PRKN: variants seen among roughly 807,000 people sequenced by gnomAD.
PRKN encodes the protein parkin RBR E3 ubiquitin protein ligase.
PRKN carries 56 observed loss-of-function variants against 59.5 expected under a neutral mutation model. The ratio of observed to expected loss-of-function variants is 0.94; its 90% CI spans 0.76 to 1.18. PRKN has a LOEUF of 1.18. PRKN is among the 50% of genes most tolerant of loss of function. The probability of loss-of-function intolerance (pLI) is 0.00; values close to 1 mark genes in which losing one functional copy is unlikely to be tolerated. For missense variants in PRKN, 657 were observed against 596.4 expected (o/e 1.10, Z -1.06); for synonymous variants, 250 against 222.1 (o/e 1.13, Z -1.12).
At chr6:162,041,780 C>T (rs1784077587) in intron 5 of PRKN, among the ~76,000 whole-genome samples, 1 of 152,156 alleles carries the variant, frequency 6.6e-6, no homozygotes, top group African/African-American at 2.4e-5. Flanking sequence ...TAAATTGTAA[C>T]AATTGTGACT....
intron 7 of PRKN, among the ~76,000 whole-genome samples, chr6:161,754,894 C>T (rs753899594): frequency 1.3e-5 from 2 of 152,132 alleles, no homozygotes; most frequent in Non-Finnish European, 2.9e-5. Context: ...TAGGAAAGCA[C>T]AAACTTTTTC....
chr6:162,681,972 C>T (rs996838338), intron 1 of PRKN, among the ~76,000 whole-genome samples: 1 of 152,098 alleles, frequency 6.6e-6, no homozygotes, highest in Non-Finnish European at 1.5e-5. Context: ...AGAACCTGGA[C>T]ACTCGCCACT....
At chr6:161,691,004 TCCAA>T (rs1292138235) in intron 7 of PRKN, among the ~76,000 whole-genome samples, 2 of 147,994 alleles carry the variant, frequency 1.4e-5, no homozygotes, top group African/African-American at 5.0e-5. Flanking sequence ...CATCCATCCA[TCCAA>T]CCATCCGTCC....
At chr6:162,505,284 A>G (rs747987462) in intron 1 of PRKN, among the ~76,000 whole-genome samples, 11 of 152,164 alleles carry the variant, frequency 7.2e-5, no homozygotes, top group Admixed American at 2.0e-4. Flanking sequence ...ATTTGGCAAC[A>G]TACAAAATGT....
chr6:162,601,873 A>G (rs933519972), intron 1 of PRKN, among the ~76,000 whole-genome samples: 1 of 152,190 alleles, frequency 6.6e-6, no homozygotes, highest in African/African-American at 2.4e-5. Context: ...AATTTATCGT[A>G]TCTTTAACAA....
chr6:162,664,218 C>A (rs1047553310), intron 1 of PRKN, among the ~76,000 whole-genome samples: 2 of 152,112 alleles, frequency 1.3e-5, no homozygotes, highest in Non-Finnish European at 2.9e-5. Flanking sequence ...GCAAAGGACA[C>A]GATTTCATTC....
chr6:162,712,362 C>T (rs1049849390), intron 1 of PRKN, among the ~76,000 whole-genome samples: 7 of 152,134 alleles, frequency 4.6e-5, no homozygotes, highest in Non-Finnish European at 8.8e-5. Flanking sequence ...TAATGTCTAA[C>T]CCCAGACAAA....
intron 1 of PRKN, among the ~76,000 whole-genome samples, chr6:162,457,716 T>C (rs982981486): frequency 6.6e-5 from 10 of 152,030 alleles, no homozygotes; most frequent in African/African-American, 2.4e-4. Flanking sequence ...AATGAGTGTG[T>C]TGTGTTTGTC....
rs1417145881 is a variant in PRKN, at chr6:162,719,368, CAG to C, written c.7+8292_7+8293del. ...TACCTCTCACACTCTGGGAACTCAC[CAG>C]AGAGCTATAAAGGACTTTCAGGAGA... On this transcript the variant is annotated intron_variant, in intron 1 of 11. Transcript: ENST00000366898. Among the ~76,000 whole-genome samples the C allele has an allele frequency of 2.0e-5, 3 of 151,948 alleles. No homozygotes were observed. In the South Asian group the frequency reaches 6.2e-4, roughly 32 times the overall value.
At chr6:161,757,933 G>GTATATATATATATATATATA (rs1415902228) in intron 7 of PRKN, among the ~76,000 whole-genome samples, 13 of 101,438 alleles carry the variant, frequency 1.3e-4, no homozygotes, top group African/African-American at 4.9e-4. Flanking sequence ...CTCTCTCTCT[G>GTATATATATATATATATATA]TATATATATG....
At chr6:162,427,259 T>A (rs1040743568) in intron 2 of PRKN, among the ~76,000 whole-genome samples, 1 of 152,170 alleles carries the variant, frequency 6.6e-6, no homozygotes, top group Non-Finnish European at 1.5e-5. Flanking sequence ...GCAGAGCAAT[T>A]ATTTAGTATC....
rs965863586 is a variant in PRKN, at chr6:161,908,077, C to A, written c.734+65225G>T. Among the ~76,000 whole-genome samples, 35 of 150,456 alleles carry A rather than the reference C, an allele frequency of 2.3e-4. No homozygotes were observed. The Middle Eastern group carries it at 0.024, about 102-fold the overall frequency. Reference sequence around the variant, plus strand: ...TGGGTGACAAAGCAAGACTCCATCTCAAACTAACAACAACGACAACAACAA... The same window carrying A: ...TGGGTGACAAAGCAAGACTCCATCTAAAACTAACAACAACGACAACAACAA... On this transcript the variant is annotated intron_variant, in intron 6 of 11. Transcript: ENST00000366898.
chr6:162,618,296 C>A (rs1189842911), intron 1 of PRKN, among the ~76,000 whole-genome samples: 2 of 152,114 alleles, frequency 1.3e-5, no homozygotes, highest in African/African-American at 4.8e-5. Context: ...AGCTATCTGG[C>A]AACTGCCAAA....
intron 6 of PRKN, among the ~76,000 whole-genome samples, chr6:161,907,142 G>A (rs763672902): frequency 2.6e-5 from 4 of 152,128 alleles, no homozygotes; most frequent in Non-Finnish European, 4.4e-5. Context: ...GAAATTTTCA[G>A]TACTATTCCT....
chr6:161,854,019 G>T (rs1289631522), intron 6 of PRKN, among the ~76,000 whole-genome samples: 2 of 151,564 alleles, frequency 1.3e-5, no homozygotes, highest in African/African-American at 4.9e-5. Flanking sequence ...ACCAAGGCAG[G>T]TGGATCACTT....
chr6:161,770,656 C>T (rs776405391), intron 7 of PRKN, among the ~76,000 whole-genome samples: 8 of 152,000 alleles, frequency 5.3e-5, no homozygotes, highest in Non-Finnish European at 8.8e-5. Context: ...TTAGTAAAGA[C>T]GGGATTTCAC....
At chr6:161,944,230 GTT>G (rs1473398011) in intron 6 of PRKN, among the ~76,000 whole-genome samples, 1 of 152,160 alleles carries the variant, frequency 6.6e-6, no homozygotes, top group African/African-American at 2.4e-5. Flanking sequence ...CCCATAATCT[GTT>G]TTTTGATATA....
chr6:161,662,450 C>T (rs1317265300), intron 7 of PRKN, among the ~76,000 whole-genome samples: 4 of 152,108 alleles, frequency 2.6e-5, no homozygotes, highest in African/African-American at 7.2e-5. Flanking sequence ...TTGGAAGTAT[C>T]GAGTGGTAGA....
intron 6 of PRKN, among the ~76,000 whole-genome samples, chr6:161,849,173 T>G (rs1793321564): frequency 6.6e-6 from 1 of 152,184 alleles, no homozygotes; most frequent in Non-Finnish European, 1.5e-5. Flanking sequence ...TTCTTAAACT[T>G]GTTTTTCAGT....
Sources: gnomAD v4.1 joint callset for allele counts (sites outside exome capture counted in the v4.1 genomes callset) on GRCh38, gnomAD v4.1.1 for gene constraint, MANE v1.5 for transcripts, NCBI Gene and HGNC (gene_info 2026-07-23, HGNC 2026-07-21) for gene names.